Variants in CRB2 observed in about 807,000 individuals in gnomAD.
CRB2 encodes the protein crumbs cell polarity complex component 2, also known as protein crumbs homolog 2.
CRB2 carries 85 observed loss-of-function variants against 110.9 expected under a neutral mutation model. The ratio of observed to expected loss-of-function variants is 0.77; its 90% CI spans 0.64 to 0.92. The LOEUF (loss-of-function observed/expected upper bound fraction) is 0.92, where lower values mean the gene tolerates loss of function less well. Among genes scored for constraint, CRB2 ranks in the 40% least tolerant of loss-of-function variants. CRB2 has a pLI of 0.00. For synonymous variants in CRB2, 907 were observed against 831.0 expected (o/e 1.09, Z -1.57); for missense variants, 1,843 against 1,851.3 (o/e 1.00, Z 0.08).
chr9:123,368,860 G>A (rs765126978), intron 6 of CRB2: 11 of 1,261,250 alleles, frequency 8.7e-6, no homozygotes, highest in African/African-American at 4.7e-5. Flanking sequence ...CTCAGTGCCC[G>A]CCCACCACTC....
chr9:123,367,229 A>G lies in CRB2; in HGVS notation c.812A>G (p.Gln271Arg). 6.3e-7 allele frequency: 1 copy of G among 1,597,680 alleles called. No homozygotes were observed. Among genetic ancestry groups the G allele is most frequent in the Non-Finnish European group, 8.5e-7 (1 of 1,177,168 alleles). Residue 271 changes from glutamine (Q) to arginine (R), a missense_variant, in exon 5 of 13, where the codon CAG (glutamine) becomes CGG (arginine). Gln to Arg is a conservative substitution (Grantham distance 43). Coordinates refer to ENST00000373631, the MANE Select transcript of CRB2 (RefSeq NM_173689.7). ...DEDECASSPCQHGGRCLQRSD... is the reference protein window; with the variant it reads ...DEDECASSPCRHGGRCLQRSD... ...GACGAGTGTGCATCGAGCCCCTGCC[A>G]GCATGGGGGCCGATGCCTGCAGCGC...
At chr9:123,372,018 C>G (rs560253471) in intron 8 of CRB2, among the ~76,000 whole-genome samples, 159 bp from the exon 9 acceptor site, 1 of 152,314 alleles carries the variant, frequency 6.6e-6, no homozygotes, top group East Asian at 1.9e-4. Flanking sequence ...TCAGTTTTCT[C>G]ATCTGTAAAA....
Position 123,372,250 on chromosome 9 carries a change from T to G in CRB2, c.2510T>G (p.Phe837Cys). Residue 837 changes from phenylalanine (F) to cysteine (C), a missense_variant, in exon 9 of 13, where the codon TTC becomes TGC. Physicochemically the swap from Phe to Cys is radical, Grantham distance 205. Coordinates refer to ENST00000373631, the MANE Select transcript of CRB2 (RefSeq NM_173689.7). Reference protein sequence around the residue: ...NDFHCTCPANFTGPTCAQQLW... With the variant: ...NDFHCTCPANCTGPTCAQQLW... The stretch of plus-strand genomic sequence containing the variant: ...TTCCACTGTACCTGCCCTGCCAATT[T>G]CACGGGGCCTACGTGTGCCCAGCAG... 2 of 1,614,088 alleles carry G rather than the reference T, an allele frequency of 1.2e-6. No homozygotes were observed. The highest frequency in any genetic ancestry group is 1.7e-6 in the Non-Finnish European group (2 of 1,180,008).
At chr9:123,371,946 A>G (rs1021199134) in intron 8 of CRB2, among the ~76,000 whole-genome samples, 6 of 152,154 alleles carry the variant, frequency 3.9e-5, no homozygotes, top group African/African-American at 1.4e-4. Flanking sequence ...CTTGGGCATG[A>G]ATTCTGGTTC....
In CRB2 at chr9:123,373,618, CCGGCCCGGCGCGG is replaced by C; in HGVS notation, c.3089_3101del (p.Arg1030ProfsTer107). On this transcript the variant is annotated frameshift_variant, in exon 10 of 13. Coordinates refer to ENST00000373631, the MANE Select transcript of CRB2 (RefSeq NM_173689.7). LOFTEE classifies it high-confidence loss of function. ...GCCTGCCCCTGCCCTTGGCGCGGCC[CCGGCCCGGCGCGG>C]CCCCTGGCGCCCGAGAGCACTTCGC... 1 of 1,362,344 alleles carries C rather than the reference CCGGCCCGGCGCGG, an allele frequency of 7.3e-7. No homozygotes were observed. Among genetic ancestry groups the C allele is most frequent in the Non-Finnish European group, 9.4e-7 (1 of 1,065,428 alleles). 84.4% of individuals were successfully genotyped at this position (1,362,344 alleles called of 1,614,324 possible).
chr9:123,378,301 A>G lies in CRB2; in HGVS notation c.*1239A>G, dbSNP rs1408677986. The G allele has an allele frequency of 6.6e-6, 1 of 152,312 alleles. No homozygotes were observed. The highest frequency in any genetic ancestry group is 1.9e-4 in the East Asian group (1 of 5,198). 9.4% of individuals were successfully genotyped at this position (152,312 alleles called of 1,614,324 possible). A position where few individuals can be genotyped will look rare whatever the true frequency, so the allele number is the denominator to read the frequency against. Reference sequence around the variant, plus strand: ...ATCACACTGTGACCTCCCATCCCTGAAGGGCACCTGCCTGAGGGCCTGGCC... The same window carrying G: ...ATCACACTGTGACCTCCCATCCCTGGAGGGCACCTGCCTGAGGGCCTGGCC... On this transcript the variant is annotated 3_prime_UTR_variant, in exon 13 of 13. Transcript: ENST00000373631.
In CRB2 at chr9:123,356,252, C is replaced by T. The variant is rs755003238; in HGVS notation, c.-9C>T. 5.9e-5 allele frequency: 87 copies of T among 1,482,686 alleles called. No homozygotes were observed. In the African/African-American group the frequency reaches 7.9e-4, roughly 13 times the overall value. 91.8% of individuals were successfully genotyped at this position (1,482,686 alleles called of 1,614,324 possible). On this transcript the variant is annotated 5_prime_UTR_variant, in exon 1 of 13. Coordinates refer to ENST00000373631, the MANE Select transcript of CRB2 (RefSeq NM_173689.7). ...CACAGCAGCCGAGCAGAGCGCAGAG[C>T]GGGCTGCCATGGCGCTGGCCAGGCC...
rs1274157214 is a variant in CRB2, at chr9:123,370,768, G to C, written c.1715G>C (p.Gly572Ala). ...GCCGGGATCTCCTCTGCCCAGCTGG[G>C]GGACGCGACCTTTGCAGGCTGCCTC... Reference protein sequence around the residue: ...LPAGISSAQLGDATFAGCLQD... With the variant: ...LPAGISSAQLADATFAGCLQD... Residue 572 changes from glycine to alanine, a missense_variant, in exon 7 of 13, where the codon GGG (glycine) becomes GCG (alanine). Gly to Ala is a moderately conservative substitution (Grantham distance 60, BLOSUM62 0). Transcript: ENST00000373631. 1 of 1,602,758 alleles carries C rather than the reference G, an allele frequency of 6.2e-7. No homozygotes were observed.
intron 8 of CRB2, among the ~76,000 whole-genome samples, 174 bp downstream of exon 8, chr9:123,371,752 G>T (rs1226219978): frequency 1.3e-5 from 2 of 152,178 alleles, no homozygotes; most frequent in East Asian, 3.8e-4. Flanking sequence ...ATTTACATCT[G>T]TCTCTTCAGC....
chr9:123,372,792 G>A (rs954103386), intron 9 of CRB2, among the ~76,000 whole-genome samples: 1 of 152,216 alleles, frequency 6.6e-6, no homozygotes, highest in Non-Finnish European at 1.5e-5. Context: ...CTGCAGTGAA[G>A]GGCAAGCCTC....
At position 123,367,262 on chromosome 9, in the gene CRB2, C is replaced by T. The variant is rs202087668; in HGVS notation, c.845C>T (p.Pro282Leu). The change falls in exon 5 of 13, where the codon CCG (proline) becomes CTG (leucine). Residue 282 changes from proline to leucine, a missense_variant. Pro to Leu is a moderately conservative substitution (Grantham distance 98). Coordinates refer to ENST00000373631, the MANE Select transcript of CRB2 (RefSeq NM_173689.7). ...HGGRCLQRSD[P>L]ALYGGVQAAF... is the part of the protein sequence containing the mutation. ...GGCCGATGCCTGCAGCGCTCTGACC[C>T]GGCCCTCTACGGGGGTGTCCAGGCC... 55 of 1,597,728 alleles carry T rather than the reference C, an allele frequency of 3.4e-5. No individual in the cohort carries two copies. The highest frequency in any genetic ancestry group is 1.2e-4 in the Admixed American group (7 of 56,850).
At chr9:123,375,548 G>C (rs754731941) in intron 12 of CRB2, among the ~76,000 whole-genome samples, 2 of 152,170 alleles carry the variant, frequency 1.3e-5, no homozygotes, top group African/African-American at 2.4e-5. Flanking sequence ...GGCTGTCACC[G>C]TCTATTGACA....
chr9:123,354,456 T>C (rs2041778183), upstream of CRB2, among the ~76,000 whole-genome samples: 1 of 152,220 alleles, frequency 6.6e-6, no homozygotes, highest in Non-Finnish European at 1.5e-5. Flanking sequence ...TAAAGAGAGC[T>C]GGCACTGTCG....
chr9:123,367,973 C>T (rs1321856017), intron 6 of CRB2, among the ~76,000 whole-genome samples: 1 of 151,402 alleles, frequency 6.6e-6, no homozygotes, highest in Non-Finnish European at 1.5e-5. Flanking sequence ...TCAGCCAGGA[C>T]AGAGAAGGAA....
chr9:123,366,829 T>C (rs1403729059), intron 4 of CRB2, among the ~76,000 whole-genome samples: 1 of 151,670 alleles, frequency 6.6e-6, no homozygotes, highest in Non-Finnish European at 1.5e-5. Context: ...CATGTACCTG[T>C]AGTCCTAGCT....
At position 123,367,638 on chromosome 9, in the gene CRB2, C is replaced by A. The variant is rs768189537; in HGVS notation, c.1006C>A (p.Gln336Lys). 1.9e-6 allele frequency: 3 copies of A among 1,571,060 alleles called. No individual in the cohort carries two copies. Among genetic ancestry groups the A allele is most frequent in the Non-Finnish European group, 2.6e-6 (3 of 1,158,732 alleles). The change falls in exon 6 of 13, where the codon CAG becomes AAG. Residue 336 changes from glutamine (Q) to lysine (K), a missense_variant. Coordinates refer to ENST00000373631, the MANE Select transcript of CRB2 (RefSeq NM_173689.7). ...GCCATGCCTCAACGGAGGCCACTGC[C>A]AGGACCTGCCCAATGGCTTCCAGTG... The part of the protein sequence containing the change: ...SRPCLNGGHC[Q>K]DLPNGFQCHC...
intron 5 of CRB2, 66 bp downstream of exon 5, chr9:123,367,423 C>CCCCCCACA (rs2041950768): frequency 2.2e-6 from 2 of 912,132 alleles, no homozygotes; most frequent in Non-Finnish European, 3.0e-6. Context: ...TTGTGCCCAC[C>CCCCCCACA]CCCCCACCCC....
At chr9:123,365,258 G>A (rs1459581152) in intron 2 of CRB2, among the ~76,000 whole-genome samples, 2 of 151,988 alleles carry the variant, frequency 1.3e-5, no homozygotes, top group Non-Finnish European at 2.9e-5. Context: ...GTGAGACTCT[G>A]TCTCAAAAAA....
Position 123,370,776 on chromosome 9 carries a change from A to T in CRB2, c.1723A>T (p.Thr575Ser). ...CTCCTCTGCCCAGCTGGGGGACGCG[A>T]CCTTTGCAGGCTGCCTCCAGGACGT... ...GISSAQLGDATFAGCLQDVRV... is the reference protein window; with the variant it reads ...GISSAQLGDASFAGCLQDVRV... Residue 575 changes from threonine (T) to serine (S), a missense_variant, in exon 7 of 13, where the codon ACC becomes TCC. Coordinates refer to ENST00000373631, the MANE Select transcript of CRB2 (RefSeq NM_173689.7). 7 of 1,601,246 alleles carry T rather than the reference A, an allele frequency of 4.4e-6. No homozygotes were observed. Among genetic ancestry groups the T allele is most frequent in the Non-Finnish European group, 5.9e-6 (7 of 1,179,800 alleles).
Sources: gnomAD v4.1 joint callset for allele counts (sites outside exome capture counted in the v4.1 genomes callset) on GRCh38, gnomAD v4.1.1 for gene constraint, MANE v1.5 for transcripts, NCBI Gene and HGNC (gene_info 2026-07-23, HGNC 2026-07-21) for gene names.